Variants in CPEB3 observed in about 807,000 individuals in gnomAD.
CPEB3 encodes the protein cytoplasmic polyadenylation element-binding protein 3.
Under a neutral mutation model 67.2 loss-of-function variants are expected in CPEB3, and 20 were observed. The observed-to-expected ratio is 0.30, with a 90% CI of 0.21 to 0.43. CPEB3 has a LOEUF of 0.43. Ranked by LOEUF, CPEB3 falls within the 20% of genes least tolerant of loss-of-function variation. CPEB3 has a pLI of 1.00. For missense variants in CPEB3, 746 were observed against 968.6 expected (o/e 0.77, Z 3.05); for synonymous variants, 376 against 393.1 (o/e 0.96, Z 0.51).
intron 9 of CPEB3, among the ~76,000 whole-genome samples, chr10:92,058,247 T>C (rs1044895223): frequency 3.3e-5 from 5 of 152,134 alleles, no homozygotes; most frequent in African/African-American, 1.2e-4. Context: ...GATATCACAA[T>C]TTTAAATATA....
chr10:92,118,942 T>C, intron 6 of CPEB3: 1 of 1,279,464 alleles, frequency 7.8e-7, no homozygotes. Flanking sequence ...CTGGGAACTT[T>C]GAGTCTTATT....
At chr10:92,186,477 C>A (rs1347535087) in intron 3 of CPEB3, among the ~76,000 whole-genome samples, 11 of 150,626 alleles carry the variant, frequency 7.3e-5, no homozygotes, top group Non-Finnish European at 1.6e-4. Context: ...CTCTGTCACC[C>A]AGGCTGGAGT....
At chr10:92,155,857 AG>A (rs1171207424) in intron 4 of CPEB3, among the ~76,000 whole-genome samples, 2 of 152,230 alleles carry the variant, frequency 1.3e-5, no homozygotes, top group Non-Finnish European at 2.9e-5. Flanking sequence ...AAATGAAAAA[AG>A]GATGAGTATT....
At chr10:92,275,662 C>T (rs1375343318) in intron 1 of CPEB3, among the ~76,000 whole-genome samples, 1 of 152,088 alleles carries the variant, frequency 6.6e-6, no homozygotes, top group Non-Finnish European at 1.5e-5. Context: ...AACCCCAACA[C>T]AACTTAGTTG....
At chr10:92,240,425 C>G in intron 1 of CPEB3, 64 bp from the exon 2 acceptor site, 1 of 1,374,728 alleles carries the variant, frequency 7.3e-7, no homozygotes, top group African/African-American at 1.5e-5. Flanking sequence ...CTCGCTGAAG[C>G]GGGCGGGTGT....
At chr10:92,079,157 C>T (rs1259118975) in intron 9 of CPEB3, among the ~76,000 whole-genome samples, 2 of 152,070 alleles carry the variant, frequency 1.3e-5, no homozygotes, top group Non-Finnish European at 2.9e-5. Flanking sequence ...ATAGAGGTCT[C>T]GATGTAATGG....
chr10:92,072,182 C>T (rs1025400023), intron 9 of CPEB3, among the ~76,000 whole-genome samples: 2 of 152,104 alleles, frequency 1.3e-5, no homozygotes, highest in Non-Finnish European at 1.5e-5. Flanking sequence ...AAAAAACATA[C>T]CCAGTTGTCT....
chr10:92,053,515 C>CA (rs1841987762), intron 9 of CPEB3, among the ~76,000 whole-genome samples: 1 of 150,738 alleles, frequency 6.6e-6, no homozygotes, highest in Non-Finnish European at 1.5e-5. Context: ...AGGAGTGCGC[C>CA]ACCACGCTCG....
At chr10:92,233,080 G>A (rs1424986352) in intron 2 of CPEB3, among the ~76,000 whole-genome samples, 1 of 152,196 alleles carries the variant, frequency 6.6e-6, no homozygotes, top group Non-Finnish European at 1.5e-5. Context: ...GAAACAGTTT[G>A]TGGGGATGAG....
chr10:92,205,150 A>T (rs2134280996), intron 2 of CPEB3, among the ~76,000 whole-genome samples: 1 of 152,234 alleles, frequency 6.6e-6, no homozygotes, highest in South Asian at 2.1e-4. Flanking sequence ...AAGCTTTATC[A>T]TTTTTTAATT....
intron 2 of CPEB3, among the ~76,000 whole-genome samples, chr10:92,230,115 TAAAGG>T (rs1851198689): frequency 6.6e-6 from 1 of 152,164 alleles, no homozygotes; most frequent in South Asian, 2.1e-4. Context: ...CATGTAAAGA[TAAAGG>T]ACAAAATTAT....
intron 2 of CPEB3, among the ~76,000 whole-genome samples, chr10:92,211,595 G>A (rs180789098): frequency 5.6e-4 from 84 of 149,990 alleles, no homozygotes; most frequent in Non-Finnish European, 1.2e-4. Flanking sequence ...GGCGTGCAGT[G>A]GCGCGATCTT....
chr10:92,078,206 C>G (rs2133190657), intron 9 of CPEB3, among the ~76,000 whole-genome samples: 1 of 152,282 alleles, frequency 6.6e-6, no homozygotes, highest in Non-Finnish European at 1.5e-5. Context: ...CCAAGGAGAA[C>G]AAGACCAGAT....
chr10:92,102,863 A>G (rs1844258644), intron 7 of CPEB3, among the ~76,000 whole-genome samples: 1 of 152,190 alleles, frequency 6.6e-6, no homozygotes, highest in Admixed American at 6.5e-5. Flanking sequence ...TCAGGTTTTC[A>G]GAGCATCTGT....
intron 6 of CPEB3, among the ~76,000 whole-genome samples, chr10:92,112,359 G>C (rs897005089): frequency 6.6e-6 from 1 of 151,954 alleles, no homozygotes; most frequent in Admixed American, 6.6e-5. Flanking sequence ...TGGCCAGGCT[G>C]GTCTCACACT....
In CPEB3 at chr10:92,083,963, C is replaced by T. The variant is rs866924280; in HGVS notation, c.1688-2462G>A. ...CTTTGGGAGGCCAAGGTGGGCGGAT[C>T]TTGAGGTCAGGAGATGGAGACCATC... On this transcript the variant is annotated intron_variant, in intron 8 of 9. Transcript: ENST00000265997. Among the ~76,000 whole-genome samples the T allele has an allele frequency of 1.2e-4, 18 of 152,170 alleles. No homozygotes were observed. In the South Asian group the frequency reaches 2.1e-3, roughly 18 times the overall value.
At chr10:92,201,760 T>C (rs11186851) in intron 2 of CPEB3, among the ~76,000 whole-genome samples, 47,401 of 151,950 alleles carry the variant, frequency 0.31, 7,693 homozygotes, top group Admixed American at 0.43. Context: ...TAGAACTTTA[T>C]GCAGAAGTAC....
intron 1 of CPEB3, among the ~76,000 whole-genome samples, chr10:92,274,285 T>TTTTCTCAAATGTCA (rs1219652389): frequency 3.3e-5 from 5 of 152,194 alleles, no homozygotes; most frequent in Non-Finnish European, 7.3e-5. Flanking sequence ...AGCTGTCATC[T>TTTTCTCAAATGTCA]TTTCTCAAAT....
At chr10:92,153,286 AGTTT>A (rs961143200) in intron 4 of CPEB3, among the ~76,000 whole-genome samples, 15 of 152,248 alleles carry the variant, frequency 9.9e-5, no homozygotes, top group African/African-American at 3.4e-4. Context: ...TCAGCACACG[AGTTT>A]GTTTGATTGG....
Sources: gnomAD v4.1 joint callset for allele counts (sites outside exome capture counted in the v4.1 genomes callset) on GRCh38, gnomAD v4.1.1 for gene constraint, MANE v1.5 for transcripts, NCBI Gene and HGNC (gene_info 2026-07-23, HGNC 2026-07-21) for gene names.